UBE2L3: variants seen among roughly 807,000 people sequenced by gnomAD.
UBE2L3 encodes the protein ubiquitin conjugating enzyme E2 L3.
A neutral mutation model predicts 17.8 loss-of-function variants in UBE2L3; 1 was observed. The ratio of observed to expected loss-of-function variants is 0.06; its 90% CI spans 0.02 to 0.27. The LOEUF (loss-of-function observed/expected upper bound fraction) is 0.27. Ranked by LOEUF, UBE2L3 falls within the 10% of genes least tolerant of loss-of-function variation. The pLI is 1.00. For missense variants in UBE2L3, 40 were observed against 192.6 expected (o/e 0.21, Z 4.69); for synonymous variants, 44 against 68.5 (o/e 0.64, Z 1.76).
chr22:21,603,704 G>A (rs1928988809), intron 2 of UBE2L3, among the ~76,000 whole-genome samples: 3 of 151,438 alleles, frequency 2.0e-5, no homozygotes, highest in South Asian at 4.2e-4. Flanking sequence ...TTAGCCGGGT[G>A]TGGTGGTGGG....
At chr22:21,575,631 CTTTT>C (rs533923826) in intron 1 of UBE2L3, among the ~76,000 whole-genome samples, 483 of 73,280 alleles carry the variant, frequency 6.6e-3, no homozygotes, top group African/African-American at 0.027. Context: ...AGTTGAATAG[CTTTT>C]TTTTTTTTTT....
chr22:21,565,754 C>CAAAAAAA (rs131662), upstream of UBE2L3, among the ~76,000 whole-genome samples: 85 of 30,270 alleles, frequency 2.8e-3, 1 homozygote, highest in South Asian at 4.3e-3. Flanking sequence ...AACTGTGTCT[C>CAAAAAAA]AAAAAAAAAA....
At chr22:21,592,363 A>G (rs5994621) in intron 1 of UBE2L3, among the ~76,000 whole-genome samples, 105 of 151,266 alleles carry the variant, frequency 6.9e-4, no homozygotes, top group African/African-American at 2.3e-3. Context: ...AGCACTGGGT[A>G]GAAAACTGGA....
chr22:21,562,708 G>A (rs1926488388), intron 1 of UBE2L3, among the ~76,000 whole-genome samples: 2 of 131,330 alleles, frequency 1.5e-5, no homozygotes, highest in East Asian at 4.6e-4. Context: ...TAGTAGAGAT[G>A]GGCTTTCCCC....
intron 1 of UBE2L3, among the ~76,000 whole-genome samples, chr22:21,589,187 C>G (rs977097838): frequency 7.0e-6 from 1 of 142,330 alleles, no homozygotes; most frequent in Non-Finnish European, 1.5e-5. Context: ...GCTCTGTCAC[C>G]CAGGCTGGAG....
intron 1 of UBE2L3, among the ~76,000 whole-genome samples, chr22:21,590,843 C>T (rs1276392378): frequency 6.6e-6 from 1 of 152,130 alleles, no homozygotes; most frequent in East Asian, 1.9e-4. Context: ...ATTCCTTTTT[C>T]CTCCCAAAGC....
At chr22:21,561,618 A>G (rs1302957087) in intron 1 of UBE2L3, among the ~76,000 whole-genome samples, 1 of 152,260 alleles carries the variant, frequency 6.6e-6, no homozygotes, top group Admixed American at 6.5e-5. Flanking sequence ...TCTTCCTGTC[A>G]GCTTACCTAA....
At chr22:21,601,287 C>T (rs2148431272) in intron 2 of UBE2L3, among the ~76,000 whole-genome samples, 1 of 152,062 alleles carries the variant, frequency 6.6e-6, no homozygotes, top group Non-Finnish European at 1.5e-5. Context: ...AAGAACTTAA[C>T]CTCCTAAACT....
upstream of UBE2L3, among the ~76,000 whole-genome samples, chr22:21,566,556 A>T (rs1248669203): frequency 6.6e-6 from 1 of 151,286 alleles, no homozygotes; most frequent in East Asian, 2.0e-4. Context: ...ACTGTACTCC[A>T]GCCTGGGTGA....
At chr22:21,612,054 C>T (rs1039616381) in intron 3 of UBE2L3, among the ~76,000 whole-genome samples, 2 of 152,148 alleles carry the variant, frequency 1.3e-5, no homozygotes, top group African/African-American at 4.8e-5. Flanking sequence ...TTGACCTGCA[C>T]AGGGATTGAG....
At chr22:21,573,705 G>A (rs1927107983) in intron 1 of UBE2L3, among the ~76,000 whole-genome samples, 1 of 152,180 alleles carries the variant, frequency 6.6e-6, no homozygotes, top group African/African-American at 2.4e-5. Flanking sequence ...GCTGTGGGCA[G>A]TGCCTATGGG....
intron 2 of UBE2L3, among the ~76,000 whole-genome samples, chr22:21,609,283 T>C (rs1929347995): frequency 6.6e-6 from 1 of 152,218 alleles, no homozygotes; most frequent in Non-Finnish European, 1.5e-5. Context: ...AATTGAAAAC[T>C]TGTATCCACA....
intron 3 of UBE2L3, among the ~76,000 whole-genome samples, chr22:21,616,351 G>C (rs1406988339): frequency 2.0e-5 from 3 of 152,062 alleles, no homozygotes; most frequent in Non-Finnish European, 2.9e-5. Flanking sequence ...TTTCTTTTTG[G>C]GGGATGAAAA....
At chr22:21,612,153 G>A (rs5998672) in intron 3 of UBE2L3, among the ~76,000 whole-genome samples, 46,990 of 151,976 alleles carry the variant, frequency 0.31, 8,393 homozygotes, top group East Asian at 0.51. Context: ...CTTGTTGGAA[G>A]TAATCACCAT....
At chr22:21,565,928 C>T (rs1926613019), upstream of UBE2L3, among the ~76,000 whole-genome samples, 1 of 151,120 alleles carries the variant, frequency 6.6e-6, no homozygotes, top group Non-Finnish European at 1.5e-5. Context: ...CCCTTCTTAT[C>T]CTCTTACCCA....
At chr22:21,604,141 T>C (rs1929023347) in intron 2 of UBE2L3, among the ~76,000 whole-genome samples, 1 of 152,054 alleles carries the variant, frequency 6.6e-6, no homozygotes, top group Admixed American at 6.6e-5. Flanking sequence ...AGTATGAGCT[T>C]AGGGAGCACA....
chr22:21,567,678 G>T (rs2148396528), upstream of UBE2L3: 4 of 1,553,536 alleles, frequency 2.6e-6, no homozygotes, highest in Non-Finnish European at 3.5e-6. Flanking sequence ...GCTCCAGGAA[G>T]TGCGGGGGCT....
At chr22:21,556,430 T>C (rs1926227533) in intron 1 of UBE2L3, among the ~76,000 whole-genome samples, 1 of 152,216 alleles carries the variant, frequency 6.6e-6, no homozygotes, top group African/African-American at 2.4e-5. Context: ...TTAAAATTGT[T>C]TTATCATTTA....
chr22:21,575,631 CTTTTTTTTTTTTTTTTTT>C (rs533923826), intron 1 of UBE2L3, among the ~76,000 whole-genome samples: 5 of 73,394 alleles, frequency 6.8e-5, no homozygotes, highest in African/African-American at 1.7e-4. Context: ...AGTTGAATAG[CTTTTTTTTTTTTTTTTTT>C]TTTTTTTTTT....
Sources: gnomAD v4.1 joint callset for allele counts (sites outside exome capture counted in the v4.1 genomes callset) on GRCh38, gnomAD v4.1.1 for gene constraint, MANE v1.5 for transcripts, NCBI Gene and HGNC (gene_info 2026-07-23, HGNC 2026-07-21) for gene names.